Variants in PTPRT observed in about 807,000 individuals in gnomAD.
PTPRT encodes protein tyrosine phosphatase receptor type T, also known as receptor-type tyrosine-protein phosphatase T.
A neutral mutation model predicts 176.8 loss-of-function variants in PTPRT; 56 were observed. The ratio of observed to expected loss-of-function variants is 0.32; its 90% CI spans 0.26 to 0.40. The LOEUF is 0.40. Among genes scored for constraint, PTPRT ranks in the 10% least tolerant of loss-of-function variants. PTPRT has a pLI of 1.00. For synonymous variants in PTPRT, 783 were observed against 739.0 expected (o/e 1.06, Z -0.96); for missense variants, 1,540 against 1,908.2 (o/e 0.81, Z 3.60).
chr20:43,142,799 G>C (rs1426054554), intron 1 of PTPRT, among the ~76,000 whole-genome samples: 1 of 152,302 alleles, frequency 6.6e-6, no homozygotes, highest in East Asian at 1.9e-4. Flanking sequence ...TACCAGGCAT[G>C]GTAACTGCCC....
chr20:43,094,376 G>A (rs566434768), intron 1 of PTPRT, among the ~76,000 whole-genome samples: 7 of 133,422 alleles, frequency 5.2e-5, no homozygotes. Context: ...ATGAGCCACC[G>A]CACCCGGCCT....
At chr20:42,996,228 C>T (rs1314247086) in intron 1 of PTPRT, among the ~76,000 whole-genome samples, 2 of 152,170 alleles carry the variant, frequency 1.3e-5, no homozygotes, top group African/African-American at 4.8e-5. Flanking sequence ...TGAGCAACTT[C>T]TATATGTCTG....
At chr20:42,070,788 C>G (rs966520581), downstream of PTPRT, among the ~76,000 whole-genome samples, 5 of 152,084 alleles carry the variant, frequency 3.3e-5, no homozygotes, top group Non-Finnish European at 7.4e-5. Flanking sequence ...TATATTGAGT[C>G]CTTTCAAGTG....
At chr20:42,678,768 G>A (rs1416032463) in intron 6 of PTPRT, among the ~76,000 whole-genome samples, 1 of 152,196 alleles carries the variant, frequency 6.6e-6, no homozygotes, top group African/African-American at 2.4e-5. Flanking sequence ...CCAGAACACA[G>A]CAAAGCTGCT....
chr20:42,205,240 C>A (rs914116147), intron 15 of PTPRT, among the ~76,000 whole-genome samples: 20 of 152,156 alleles, frequency 1.3e-4, no homozygotes, highest in Non-Finnish European at 2.9e-4. Context: ...CCCAATTTTT[C>A]TGGTTTAGCA....
chr20:42,607,736 G>A (rs776666391), intron 7 of PTPRT, among the ~76,000 whole-genome samples: 13 of 152,150 alleles, frequency 8.5e-5, no homozygotes, highest in African/African-American at 1.4e-4. Context: ...GGGCATGGGC[G>A]GATTGCATGG....
the PTPRT span, among the ~76,000 whole-genome samples, chr20:42,059,301 C>T: frequency 1.2e-4 from 19 of 152,110 alleles, no homozygotes; most frequent in Non-Finnish European, 2.8e-4. Context: ...AGAAAGTGCT[C>T]AGCAAGAGGG....
At chr20:42,417,445 A>G (rs1214620357) in intron 9 of PTPRT, among the ~76,000 whole-genome samples, 3 of 152,044 alleles carry the variant, frequency 2.0e-5, no homozygotes, top group Non-Finnish European at 2.9e-5. Context: ...TGCAAACACA[A>G]AAAGAGGCTA....
intron 1 of PTPRT, among the ~76,000 whole-genome samples, chr20:43,173,759 C>T (rs556541083): frequency 6.6e-6 from 1 of 152,322 alleles, no homozygotes; most frequent in African/African-American, 2.4e-5. Flanking sequence ...GGGTCCTTCC[C>T]TCAGAATTAC....
At chr20:42,188,018 C>G (rs753714648) in intron 16 of PTPRT, among the ~76,000 whole-genome samples, 2 of 152,156 alleles carry the variant, frequency 1.3e-5, no homozygotes, top group Non-Finnish European at 2.9e-5. Flanking sequence ...CATTTATATC[C>G]CCAGGCCAGG....
intron 13 of PTPRT, among the ~76,000 whole-genome samples, chr20:42,250,465 G>A (rs2056532154): frequency 6.6e-6 from 1 of 152,150 alleles, no homozygotes; most frequent in African/African-American, 2.4e-5. Flanking sequence ...ATGCACTGAT[G>A]TTTAAGCCCT....
chr20:43,031,080 G>A (rs896356643), intron 1 of PTPRT, among the ~76,000 whole-genome samples: 9 of 152,170 alleles, frequency 5.9e-5, no homozygotes, highest in African/African-American at 1.9e-4. Context: ...GCCCATCAGA[G>A]TTGTCTTGAA....
rs552769961 is a variant in PTPRT, at chr20:42,682,871, A to C, written c.860-4712T>G. Among the ~76,000 whole-genome samples the C allele has an allele frequency of 4.6e-5, 7 of 152,336 alleles. No homozygotes were observed. In the East Asian group the frequency reaches 1.3e-3, roughly 29 times the overall value. On this transcript the variant is annotated intron_variant, in intron 6 of 30. Coordinates refer to ENST00000373187, the MANE Select transcript of PTPRT (RefSeq NM_007050.6). ...TCTTTTCCCTGCTGTGAGCACTTGT[A>C]ACAGTTTGACTCCCTAGAAATTCCT...
chr20:42,050,711 G>A, the PTPRT span, among the ~76,000 whole-genome samples: 1 of 152,326 alleles, frequency 6.6e-6, no homozygotes, highest in East Asian at 1.9e-4. Context: ...CGGCCACAGG[G>A]ATACTGACCA....
chr20:42,190,102 A>G (rs898285709), intron 16 of PTPRT, among the ~76,000 whole-genome samples: 1 of 151,476 alleles, frequency 6.6e-6, no homozygotes, highest in African/African-American at 2.4e-5. Context: ...AAGATATTCA[A>G]TAAAACTGGA....
At chr20:42,667,320 A>T (rs1272403833) in intron 7 of PTPRT, among the ~76,000 whole-genome samples, 1 of 152,112 alleles carries the variant, frequency 6.6e-6, no homozygotes, top group Non-Finnish European at 1.5e-5. Context: ...TGAGTGGAGG[A>T]ATTATACCTC....
intron 1 of PTPRT, among the ~76,000 whole-genome samples, chr20:42,903,071 A>C (rs1448801266): frequency 6.6e-6 from 1 of 152,244 alleles, no homozygotes; most frequent in Admixed American, 6.5e-5. Context: ...GGCTCTTGAC[A>C]TGACATAATG....
intron 15 of PTPRT, among the ~76,000 whole-genome samples, chr20:42,230,078 C>T (rs574362199): frequency 6.6e-6 from 1 of 152,242 alleles, no homozygotes; most frequent in African/African-American, 2.4e-5. Context: ...CAGAGAAAGG[C>T]GCCATTCCCA....
chr20:42,903,021 A>C (rs779245454), intron 1 of PTPRT, among the ~76,000 whole-genome samples: 10 of 152,188 alleles, frequency 6.6e-5, no homozygotes, highest in Non-Finnish European at 1.3e-4. Context: ...ATCAACAATG[A>C]AAACAGGGAG....
Sources: gnomAD v4.1 joint callset for allele counts (sites outside exome capture counted in the v4.1 genomes callset) on GRCh38, gnomAD v4.1.1 for gene constraint, MANE v1.5 for transcripts, NCBI Gene and HGNC (gene_info 2026-07-23, HGNC 2026-07-21) for gene names.